Variants in PARD3B observed in about 807,000 individuals in gnomAD.
PARD3B encodes the protein par-3 family cell polarity regulator beta.
A neutral mutation model predicts 130.2 loss-of-function variants in PARD3B; 103 were observed. The ratio of observed to expected loss-of-function variants is 0.79; its 90% CI spans 0.67 to 0.93. The LOEUF is 0.93. Among genes scored for constraint, PARD3B ranks in the 40% least tolerant of loss-of-function variants. The probability of loss-of-function intolerance (pLI) is 0.00; values close to 1 mark genes in which losing one functional copy is unlikely to be tolerated. For synonymous variants in PARD3B, 583 were observed against 553.2 expected, an observed-to-expected ratio of 1.05 and a Z score of -0.76; for missense variants, 1,609 against 1,499.2, an observed-to-expected ratio of 1.07 and a Z score of -1.21.
At chr2:205,072,034 T>G (rs959175069) in intron 4 of PARD3B, among the ~76,000 whole-genome samples, 1 of 152,150 alleles carries the variant, frequency 6.6e-6, no homozygotes, top group Non-Finnish European at 1.5e-5. Flanking sequence ...TATTTCTTCT[T>G]AAAAATATAT....
intron 1 of PARD3B, among the ~76,000 whole-genome samples, chr2:204,659,588 T>G (rs2035736288): frequency 6.6e-6 from 1 of 152,100 alleles, no homozygotes; most frequent in South Asian, 2.1e-4. Context: ...TTTTGAAAGA[T>G]TACATGTTTC....
At chr2:205,510,795 T>G (rs2050559752) in intron 21 of PARD3B, among the ~76,000 whole-genome samples, 1 of 152,214 alleles carries the variant, frequency 6.6e-6, no homozygotes, top group Admixed American at 6.5e-5. Context: ...CAATAAATTA[T>G]ACTACAACCA....
intron 20 of PARD3B, among the ~76,000 whole-genome samples, chr2:205,459,711 T>G (rs1431391069): frequency 6.6e-6 from 1 of 152,126 alleles, no homozygotes; most frequent in African/African-American, 2.4e-5. Flanking sequence ...CCCATCAGTC[T>G]CCCTCTCAGA....
chr2:204,848,395 A>T (rs1267504759), intron 2 of PARD3B, among the ~76,000 whole-genome samples: 1 of 152,056 alleles, frequency 6.6e-6, no homozygotes, highest in Non-Finnish European at 1.5e-5. Flanking sequence ...ATATTACTGC[A>T]CTGTTTTCTG....
intron 4 of PARD3B, among the ~76,000 whole-genome samples, chr2:205,071,247 A>G (rs975332796): frequency 6.6e-6 from 1 of 152,108 alleles, no homozygotes; most frequent in African/African-American, 2.4e-5. Context: ...TAATTCTTAC[A>G]AGTTTCCTTC....
At chr2:204,879,313 G>A (rs961984296) in intron 2 of PARD3B, among the ~76,000 whole-genome samples, 1 of 152,158 alleles carries the variant, frequency 6.6e-6, no homozygotes, top group Non-Finnish European at 1.5e-5. Flanking sequence ...GGTGCTTGGG[G>A]TAAGAACGTC....
rs2042302568 is a variant in PARD3B at position 205,309,527 on chromosome 2, T to C, written c.2630+7826T>C. ...TTTTATTTAAACTAGGGGAATTCTA[T>C]ATAAAGACATCCTGCTGTGAATTAT... On this transcript the variant is annotated intron_variant, in intron 18 of 22. Coordinates refer to ENST00000406610, the MANE Select transcript of PARD3B (RefSeq NM_001302769.2). The surrounding 1 kb of genome is among the most constrained non-coding windows in gnomAD (Gnocchi z 4.7). Among the ~76,000 whole-genome samples, 1 of 152,140 alleles carries C rather than the reference T, an allele frequency of 6.6e-6. No individual in the cohort carries two copies.
At chr2:204,576,947 T>C (rs73057275) in intron 1 of PARD3B, among the ~76,000 whole-genome samples, 6,594 of 152,268 alleles carry the variant, frequency 0.043, 406 homozygotes, top group East Asian at 0.14. Context: ...GATATTTTTC[T>C]CTTGCACTAA....
chr2:204,628,270 A>G (rs2034555132), intron 1 of PARD3B, among the ~76,000 whole-genome samples: 2 of 103,544 alleles, frequency 1.9e-5, no homozygotes, highest in South Asian at 6.6e-4. Context: ...TGTTAATTCT[A>G]AATTCCCGTT....
At chr2:205,360,433 T>C (rs1055043081) in intron 18 of PARD3B, among the ~76,000 whole-genome samples, 2 of 94,200 alleles carry the variant, frequency 2.1e-5, no homozygotes, top group Non-Finnish European at 5.7e-5. Context: ...TTTCCGCCTC[T>C]ATGTCACAAA....
chr2:205,092,528 G>A (rs1702170078), intron 4 of PARD3B, among the ~76,000 whole-genome samples: 1 of 152,180 alleles, frequency 6.6e-6, no homozygotes, highest in Non-Finnish European at 1.5e-5. Flanking sequence ...GGGAGGTGAT[G>A]CACCAATGAA....
At chr2:205,581,514 CAT>C (rs1348795882) in intron 22 of PARD3B, among the ~76,000 whole-genome samples, 1 of 143,856 alleles carries the variant, frequency 7.0e-6, no homozygotes, top group African/African-American at 2.6e-5. Flanking sequence ...GATGCAGAAA[CAT>C]AGAATAAATA....
chr2:204,700,669 C>T (rs1034194345), intron 2 of PARD3B, among the ~76,000 whole-genome samples: 4 of 151,982 alleles, frequency 2.6e-5, no homozygotes, highest in Non-Finnish European at 5.9e-5. Flanking sequence ...GGGGCAATGC[C>T]AGTGTCTTGA....
At chr2:205,514,153 GAGT>G (rs2050697599) in intron 21 of PARD3B, among the ~76,000 whole-genome samples, 2 of 152,116 alleles carry the variant, frequency 1.3e-5, no homozygotes, top group African/African-American at 2.4e-5. Context: ...CAGCCCGAGA[GAGT>G]AGATTTTCTA....
intron 22 of PARD3B, among the ~76,000 whole-genome samples, chr2:205,583,528 G>C (rs897138787): frequency 6.6e-6 from 1 of 152,176 alleles, no homozygotes; most frequent in Non-Finnish European, 1.5e-5. Context: ...GTCATTGACT[G>C]CTCATTGTGT....
chr2:204,994,725 G>T (rs1201187131), intron 3 of PARD3B, among the ~76,000 whole-genome samples: 1 of 147,038 alleles, frequency 6.8e-6, no homozygotes, highest in Non-Finnish European at 1.5e-5. Context: ...AAGTCTCTTT[G>T]TAGGTCACTC....
At chr2:204,761,635 A>G (rs1424677811) in intron 2 of PARD3B, among the ~76,000 whole-genome samples, 2 of 152,008 alleles carry the variant, frequency 1.3e-5, no homozygotes, top group Non-Finnish European at 2.9e-5. Flanking sequence ...TTTCTTTGAA[A>G]TGTAATTTCT....
At chr2:205,082,283 T>A (rs957458395) in intron 4 of PARD3B, among the ~76,000 whole-genome samples, 1 of 152,194 alleles carries the variant, frequency 6.6e-6, no homozygotes, top group African/African-American at 2.4e-5. Context: ...CCCCAGTAGA[T>A]GCCTGGAAAC....
In PARD3B at chr2:205,011,342, G is replaced by A. The variant is rs1013070484; in HGVS notation, c.395-36239G>A. ...AGAGGGCTCACTCCTCAGCTCACAT[G>A]TGTGGGTGCTGGCAGTCCTAATTTC... On this transcript the variant is annotated intron_variant, in intron 3 of 22. Coordinates refer to ENST00000406610, the MANE Select transcript of PARD3B (RefSeq NM_001302769.2). This position sits in a 1 kb window ranked among gnomAD's most constrained non-coding sequence, Gnocchi z 4.1. Among the ~76,000 whole-genome samples the A allele has an allele frequency of 5.9e-5, 9 of 152,140 alleles. No individual in the cohort carries two copies. Among genetic ancestry groups the A allele is most frequent in the African/African-American group, 1.9e-4 (8 of 41,422 alleles).
Sources: allele counts gnomAD v4.1 joint callset (sites outside exome capture counted in the v4.1 genomes callset), GRCh38; gene constraint gnomAD v4.1.1; non-coding constraint Gnocchi (gnomAD v3.1); transcripts MANE v1.5; gene names NCBI Gene and HGNC (gene_info 2026-07-23, HGNC 2026-07-21).